The following SLCO3A1 variants were observed in gnomAD, a reference collection of about 807,000 sequenced individuals.
The protein encoded by SLCO3A1 is solute carrier organic anion transporter family member 3A1, also known as PGE1 transporter.
In SLCO3A1, 27 loss-of-function variants were observed where a neutral mutation model predicts 63.1. That is an observed-to-expected ratio of 0.43 (90% CI 0.32 to 0.59). SLCO3A1 has a LOEUF of 0.59. Among genes scored for constraint, SLCO3A1 ranks in the 20% least tolerant of loss-of-function variants. SLCO3A1 has a pLI of 0.09. For missense variants in SLCO3A1, 773 were observed against 945.8 expected (o/e 0.82, Z 2.40); for synonymous variants, 473 against 409.9 (o/e 1.15, Z -1.86).
chr15:92,048,466 A>C (rs2051638666), intron 2 of SLCO3A1, among the ~76,000 whole-genome samples: 2 of 152,174 alleles, frequency 1.3e-5, no homozygotes, highest in Admixed American at 1.3e-4. Context: ...CCTCAGCAGC[A>C]CTGACATTCA....
chr15:92,150,574 C>T (rs995491028), intron 8 of SLCO3A1, among the ~76,000 whole-genome samples: 1 of 152,108 alleles, frequency 6.6e-6, no homozygotes, highest in African/African-American at 2.4e-5. Context: ...GAATTATTTT[C>T]TCGGTTGATG....
chr15:91,935,942 A>G (rs1899397143), intron 2 of SLCO3A1, among the ~76,000 whole-genome samples: 2 of 152,228 alleles, frequency 1.3e-5, no homozygotes, highest in Admixed American at 6.5e-5. Flanking sequence ...TAAAGTTTGC[A>G]CAGCTTATCA....
At chr15:91,935,094 C>T (rs1294654228) in intron 2 of SLCO3A1, among the ~76,000 whole-genome samples, 1 of 152,208 alleles carries the variant, frequency 6.6e-6, no homozygotes, top group Non-Finnish European at 1.5e-5. Flanking sequence ...GCTGGGGCTA[C>T]AGCCGTGTGC....
intron 4 of SLCO3A1, among the ~76,000 whole-genome samples, chr15:92,105,334 G>T (rs1358217945): frequency 1.3e-5 from 2 of 152,070 alleles, no homozygotes; most frequent in Non-Finnish European, 2.9e-5. Flanking sequence ...TCCTTTCATT[G>T]TCTCCACTAA....
intron 8 of SLCO3A1, 85 bp from the exon 9 acceptor site, chr15:92,150,865 A>C: frequency 2.3e-6 from 2 of 867,670 alleles, no homozygotes; most frequent in Non-Finnish European, 3.6e-6. Flanking sequence ...TCTGATGGAC[A>C]GCAGCAAATG....
chr15:92,057,138 C>G (rs1345197264), intron 2 of SLCO3A1, among the ~76,000 whole-genome samples: 3 of 152,182 alleles, frequency 2.0e-5, no homozygotes, highest in Admixed American at 6.5e-5. Context: ...GCACATAAGT[C>G]CATTCTTAGC....
chr15:91,889,280 A>G lies in SLCO3A1; in HGVS notation c.181-26713A>G, dbSNP rs150558703. 2.7e-4 allele frequency: 158 copies of G among 581,660 alleles called. 1 individual carries two copies. The highest frequency in any genetic ancestry group is 1.9e-3 in the African/African-American group (98 of 52,232). 36.0% of individuals were successfully genotyped at this position (581,660 alleles called of 1,614,324 possible). A position where few individuals can be genotyped will look rare whatever the true frequency, so the allele number is the denominator to read the frequency against. On this transcript the variant is annotated intron_variant, in intron 1 of 9. Coordinates refer to ENST00000318445, the MANE Select transcript of SLCO3A1 (RefSeq NM_013272.4). ...ACCTGGAGTGCATTTGCAACACTTT[A>G]TGGGCTTCATAGCACCTGTAGGCCT...
intron 2 of SLCO3A1, among the ~76,000 whole-genome samples, chr15:92,046,790 A>G (rs192839343): frequency 2.0e-5 from 3 of 150,754 alleles, no homozygotes; most frequent in African/African-American, 4.9e-5. Context: ...GCAGAGAGTT[A>G]AAATCTCAAT....
At chr15:92,043,295 C>T (rs921314612) in intron 2 of SLCO3A1, among the ~76,000 whole-genome samples, 1 of 152,140 alleles carries the variant, frequency 6.6e-6, no homozygotes, top group Non-Finnish European at 1.5e-5. Context: ...ACGGCATTGC[C>T]CATGGGATTA....
intron 7 of SLCO3A1, among the ~76,000 whole-genome samples, chr15:92,135,677 A>G (rs560368076): frequency 1.3e-5 from 2 of 152,360 alleles, no homozygotes; most frequent in East Asian, 3.9e-4. Context: ...GAGAAAATCC[A>G]TAAGTGTCTG....
intron 2 of SLCO3A1, among the ~76,000 whole-genome samples, chr15:91,944,751 G>A (rs4398089): frequency 0.68 from 103,317 of 151,434 alleles, 35,803 homozygotes; most frequent in East Asian, 0.97. Context: ...TGGAGAAATC[G>A]AGGGGGCTTT....
chr15:92,020,242 A>G (rs1422242833), intron 2 of SLCO3A1, among the ~76,000 whole-genome samples: 8 of 152,130 alleles, frequency 5.3e-5, no homozygotes, highest in Non-Finnish European at 8.8e-5. Context: ...CACACACTAT[A>G]TATATATGTA....
rs1452026487 is a variant in SLCO3A1 at position 91,882,285 on chromosome 15, T to C, written c.180+28197T>C. ...CAAGCACGCAGTCAGGATGTGCATTTGCTGAGTGGAATTGTGGACAAACCA... is the reference window on the plus strand; with the variant it reads ...CAAGCACGCAGTCAGGATGTGCATTCGCTGAGTGGAATTGTGGACAAACCA... On this transcript the variant is annotated intron_variant, in intron 1 of 9. Coordinates refer to ENST00000318445, the MANE Select transcript of SLCO3A1 (RefSeq NM_013272.4). The surrounding 1 kb of genome is among the most constrained non-coding windows in gnomAD (Gnocchi z 4.4). Among the ~76,000 whole-genome samples the C allele has an allele frequency of 6.6e-6, 1 of 152,200 alleles. No homozygotes were observed. The highest frequency in any genetic ancestry group is 6.5e-5 in the Admixed American group (1 of 15,274).
At chr15:91,915,897 C>CG (rs968211581) in intron 1 of SLCO3A1, 96 bp from the exon 2 acceptor site, 134 of 1,075,790 alleles carry the variant, frequency 1.2e-4, no homozygotes, top group East Asian at 2.9e-4. Context: ...GGGAGGGTCC[C>CG]GGGGGGGATG....
intron 2 of SLCO3A1, among the ~76,000 whole-genome samples, chr15:92,081,142 T>C (rs989984920): frequency 4.6e-5 from 7 of 152,126 alleles, no homozygotes; most frequent in South Asian, 2.1e-4. Context: ...TAAAATAAAT[T>C]ACTGTTGACT....
At chr15:92,000,482 A>G (rs1051543079) in intron 2 of SLCO3A1, among the ~76,000 whole-genome samples, 1 of 152,040 alleles carries the variant, frequency 6.6e-6, no homozygotes, top group Admixed American at 6.6e-5. Flanking sequence ...GTTTTGGAAC[A>G]ATATATCTAT....
Position 92,165,535 on chromosome 15 carries a change from G to T in SLCO3A1, c.*2400G>T, listed in dbSNP as rs2048487027. The T allele has an allele frequency of 1.0e-6, 1 of 983,936 alleles. No homozygotes were observed. Among genetic ancestry groups the T allele is most frequent in the Admixed American group, 6.2e-5 (1 of 16,252 alleles). The allele number at this position is 983,936 out of a possible 1,614,324, so 61.0% of individuals were successfully genotyped here. ...AAAAAGAAAGTTTTTTAAACTCTTT[G>T]CATTTTGGATTTTTTTTCCTAAGAT... On this transcript the variant is annotated 3_prime_UTR_variant, in exon 10 of 10. Transcript: ENST00000318445.
intron 2 of SLCO3A1, among the ~76,000 whole-genome samples, chr15:91,980,632 G>T (rs1000509159): frequency 1.3e-5 from 2 of 152,046 alleles, no homozygotes; most frequent in Non-Finnish European, 2.9e-5. Flanking sequence ...CGTAGCCCTG[G>T]CTGGCTTTGC....
intron 2 of SLCO3A1, among the ~76,000 whole-genome samples, chr15:92,052,693 C>T (rs1012405500): frequency 6.6e-6 from 1 of 152,210 alleles, no homozygotes; most frequent in Non-Finnish European, 1.5e-5. Flanking sequence ...TGTGCTGTCC[C>T]AGATAGTAGC....
Sources: gnomAD v4.1 joint callset for allele counts (sites outside exome capture counted in the v4.1 genomes callset) on GRCh38, gnomAD v4.1.1 for gene constraint, Gnocchi (gnomAD v3.1) non-coding constraint, MANE v1.5 for transcripts, NCBI Gene and HGNC (gene_info 2026-07-23, HGNC 2026-07-21) for gene names.